HADH: variants seen among roughly 807,000 people sequenced by gnomAD.
HADH encodes hydroxyacyl-coenzyme A dehydrogenase, mitochondrial.
In HADH, 24 loss-of-function variants were observed where a neutral mutation model predicts 32.2. That is an observed-to-expected ratio of 0.75 (90% CI 0.54 to 1.05). HADH has a LOEUF of 1.05. HADH is among the 50% of genes least tolerant of loss of function. The pLI is 0.00. For synonymous variants in HADH, 139 were observed against 152.5 expected, an observed-to-expected ratio of 0.91 and a Z score of 0.65; for missense variants, 350 against 397.1, an observed-to-expected ratio of 0.88 and a Z score of 1.01.
intron 1 of HADH, among the ~76,000 whole-genome samples, chr4:107,997,086 CT>C (rs1355686920): frequency 6.9e-6 from 1 of 145,952 alleles, no homozygotes; most frequent in East Asian, 2.0e-4. Context: ...TGATGTATGA[CT>C]TTTTTCCTCT....
Position 107,989,922 on chromosome 4 carries a change from G to T in HADH, c.-11G>T. ...CCCGGGTCTCCTCGCTGTCGCCGCC[G>T]CTGCCACACCATGGCCTTCGTCACC... On this transcript the variant is annotated 5_prime_UTR_variant, in exon 1 of 8. Coordinates refer to ENST00000309522, the MANE Select transcript of HADH (RefSeq NM_005327.7). The T allele has an allele frequency of 3.1e-6, 5 of 1,611,042 alleles. No individual in the cohort carries two copies. Among genetic ancestry groups the T allele is most frequent in the Non-Finnish European group, 4.2e-6 (5 of 1,179,240 alleles).
At chr4:108,018,731 T>C (rs1395753393) in intron 3 of HADH, among the ~76,000 whole-genome samples, 2 of 152,124 alleles carry the variant, frequency 1.3e-5, no homozygotes, top group African/African-American at 4.8e-5. Context: ...TCCATCTTGG[T>C]TGGAATCAGC....
intron 1 of HADH, among the ~76,000 whole-genome samples, chr4:107,991,117 T>C (rs923069469): frequency 6.6e-6 from 1 of 152,188 alleles, no homozygotes; most frequent in African/African-American, 2.4e-5. Context: ...GGCTCAGTTG[T>C]GCGAGTGATT....
chr4:108,025,939 C>T (rs1407971975), intron 5 of HADH: 1 of 152,214 alleles, frequency 6.6e-6, no homozygotes, highest in African/African-American at 2.4e-5. Flanking sequence ...ATCTGTCTCT[C>T]TGCATTCTCA....
At chr4:108,018,016 G>A (rs1209433918) in intron 3 of HADH, among the ~76,000 whole-genome samples, 1 of 152,170 alleles carries the variant, frequency 6.6e-6, no homozygotes, top group Non-Finnish European at 1.5e-5. Flanking sequence ...ATGTGCCAGA[G>A]TGCCCTGGAC....
chr4:108,005,088 A>G (rs1735252693), intron 1 of HADH: 1 of 466,942 alleles, frequency 2.1e-6, no homozygotes, highest in Non-Finnish European at 3.8e-6. Context: ...CTCCTAATCA[A>G]GATACCTTCT....
At chr4:108,003,811 T>A (rs1434558817) in intron 1 of HADH, among the ~76,000 whole-genome samples, 2 of 146,800 alleles carry the variant, frequency 1.4e-5, no homozygotes, top group African/African-American at 5.1e-5. Context: ...AGCCCAGAAT[T>A]AAAAAAAAAA....
intron 1 of HADH, among the ~76,000 whole-genome samples, chr4:107,993,995 G>T (rs925592848): frequency 6.6e-6 from 1 of 152,144 alleles, no homozygotes; most frequent in Non-Finnish European, 1.5e-5. Flanking sequence ...TCTAGGCTTT[G>T]CTTCATACAT....
chr4:108,029,923 G>A (rs1736202419), intron 6 of HADH: 1 of 152,338 alleles, frequency 6.6e-6, no homozygotes, highest in Non-Finnish European at 1.5e-5. Context: ...GAGTCAGAGG[G>A]ACAGAGGCTG....
Position 107,996,632 on chromosome 4 carries a change from G to A in HADH, c.132+6568G>A, listed in dbSNP as rs868163043. Reference sequence around the variant, plus strand: ...AACCAGTCCAGGCATGGTGGCTTACGCCTGTAATCCCATCACTTTGGGAGG... The same window carrying A: ...AACCAGTCCAGGCATGGTGGCTTACACCTGTAATCCCATCACTTTGGGAGG... On this transcript the variant is annotated intron_variant, in intron 1 of 7. Transcript: ENST00000309522. Among the ~76,000 whole-genome samples, 4 of 152,164 alleles carry A rather than the reference G, an allele frequency of 2.6e-5. No individual in the cohort carries two copies. The South Asian group carries it at 6.2e-4, about 24-fold the overall frequency.
At chr4:107,996,668 C>A (rs1177979068) in intron 1 of HADH, among the ~76,000 whole-genome samples, 1 of 152,138 alleles carries the variant, frequency 6.6e-6, no homozygotes, top group Non-Finnish European at 1.5e-5. Flanking sequence ...CTGAGGCGAG[C>A]AGATCACTTG....
intron 2 of HADH, among the ~76,000 whole-genome samples, chr4:108,010,401 T>C (rs2126226763): frequency 7.9e-6 from 1 of 127,384 alleles, no homozygotes; most frequent in East Asian, 2.4e-4. Context: ...TGAGAAGGAG[T>C]TGGTGACTAA....
chr4:107,993,524 T>C (rs1314807660), intron 1 of HADH, among the ~76,000 whole-genome samples: 2 of 152,250 alleles, frequency 1.3e-5, no homozygotes, highest in Non-Finnish European at 2.9e-5. Flanking sequence ...TTAATAGTTT[T>C]GTCATTTTAA....
chr4:107,989,976 C>A lies in HADH; in HGVS notation c.44C>A (p.Ser15Ter). The change falls in exon 1 of 8, where the codon TCG becomes TAG. Residue 15 changes from serine (S) to a stop codon, truncating the protein, a stop_gained. Coordinates refer to ENST00000309522, the MANE Select transcript of HADH (RefSeq NM_005327.7). LOFTEE classifies it high-confidence loss of function. ...TRQFMRSVSS[S>*]STASASAKKI... ...CAGTTCATGCGTTCCGTGTCCTCCT[C>A]GTCCACCGCCTCGGCCTCGGCCAAG... The A allele has an allele frequency of 2.5e-6, 4 of 1,612,902 alleles. No individual in the cohort carries two copies. Among genetic ancestry groups the A allele is most frequent in the Non-Finnish European group, 3.4e-6 (4 of 1,179,588 alleles).
In HADH at chr4:108,027,754, G is replaced by GA; in HGVS notation, c.705dup (p.Arg236ThrfsTer3). Reference sequence around the variant, plus strand: ...CCTCATGGAAGCAATCAGGCTGTATGAACGAGGTATCCTTCTGACCCAGGC... The same window carrying GA: ...CCTCATGGAAGCAATCAGGCTGTATGAAACGAGGTATCCTTCTGACCCAGGC... On this transcript the variant is annotated frameshift_variant, in exon 6 of 8. Transcript: ENST00000309522. LOFTEE classifies it high-confidence loss of function. 3 of 1,594,966 alleles carry GA rather than the reference G, an allele frequency of 1.9e-6. No individual in the cohort carries two copies. Among genetic ancestry groups the GA allele is most frequent in the Non-Finnish European group, 2.6e-6 (3 of 1,162,604 alleles).
chr4:108,023,409 T>C (rs755329324), intron 4 of HADH, 65 bp from the exon 5 acceptor site: 7 of 935,618 alleles, frequency 7.5e-6, no homozygotes, highest in Non-Finnish European at 1.2e-5. Flanking sequence ...CAATCATTCC[T>C]TGAACCATTC....
At chr4:108,027,499 G>A (rs911845556) in intron 5 of HADH, 189 bp from the exon 6 acceptor site, 1 of 655,078 alleles carries the variant, frequency 1.5e-6, no homozygotes, top group Non-Finnish European at 2.8e-6. Context: ...GTTTTTTTAA[G>A]TACTATGATT....
At chr4:108,022,189 A>G (rs62311430) in intron 4 of HADH, among the ~76,000 whole-genome samples, 11,051 of 141,026 alleles carry the variant, frequency 0.078, 578 homozygotes, top group African/African-American at 0.16. Context: ...GTGTGTGTGT[A>G]TGTGTGTGTG....
intron 2 of HADH, 52 bp from the exon 3 acceptor site, chr4:108,014,379 A>T: frequency 6.2e-7 from 1 of 1,606,770 alleles, no homozygotes; most frequent in African/African-American, 1.3e-5. Flanking sequence ...AACTTGAAAG[A>T]TAATTTCCAG....
Sources: allele counts gnomAD v4.1 joint callset (sites outside exome capture counted in the v4.1 genomes callset), GRCh38; gene constraint gnomAD v4.1.1; transcripts MANE v1.5; gene names NCBI Gene and HGNC (gene_info 2026-07-23, HGNC 2026-07-21).